SASH1: variants seen among roughly 807,000 people sequenced by gnomAD.
SASH1 encodes SAM and SH3 domain-containing protein 1.
SASH1 carries 44 observed loss-of-function variants against 125.2 expected under a neutral mutation model. The observed-to-expected ratio is 0.35, with a 90% confidence interval of 0.28 to 0.45. The LOEUF is 0.45. Among genes scored for constraint, SASH1 ranks in the 20% least tolerant of loss-of-function variants. The probability of loss-of-function intolerance (pLI) is 1.00; values close to 1 mark genes in which losing one functional copy is unlikely to be tolerated. For missense variants in SASH1, 1,426 were observed against 1,614.5 expected (o/e 0.88, Z 2.00); for synonymous variants, 639 against 649.1 (o/e 0.98, Z 0.24).
At chr6:148,220,224 C>T in the SASH1 span, among the ~76,000 whole-genome samples, 1 of 152,128 alleles carries the variant, frequency 6.6e-6, no homozygotes, top group Non-Finnish European at 1.5e-5. Flanking sequence ...CTGGTGAGGG[C>T]CCCGTCTCTG....
chr6:148,300,007 C>G (rs948548145), intron 1 of SASH1, among the ~76,000 whole-genome samples: 5 of 152,100 alleles, frequency 3.3e-5, no homozygotes, highest in African/African-American at 1.2e-4. Flanking sequence ...ATCAGTTTGG[C>G]AACACACTGC....
chr6:148,356,964 G>C (rs960066054), intron 1 of SASH1, among the ~76,000 whole-genome samples: 7 of 152,044 alleles, frequency 4.6e-5, no homozygotes, highest in Non-Finnish European at 8.8e-5. Flanking sequence ...TCCTTTGTTT[G>C]TTGGCCGTTT....
rs1262332000 is a variant in SASH1, at chr6:148,326,370, A to C, written n.74+53993A>C. Among the ~76,000 whole-genome samples, 31 of 45,132 alleles carry C rather than the reference A, an allele frequency of 6.9e-4. No homozygotes were observed. In the East Asian group the frequency reaches 7.6e-3, roughly 11 times the overall value. 29.6% of individuals were successfully genotyped at this position (45,132 alleles called of 152,430 possible). ...TATATATATATATGCATATATATAT[A>C]TATACATTCTTTTCTTTTCTTTTCT... On this transcript the variant is annotated intron_variant and non_coding_transcript_variant, in intron 1 of 3. Coordinates refer to the SASH1 transcript ENST00000367469.
At chr6:148,423,356 G>C (rs1775659867) in intron 2 of SASH1, among the ~76,000 whole-genome samples, 1 of 152,194 alleles carries the variant, frequency 6.6e-6, no homozygotes, top group South Asian at 2.1e-4. Flanking sequence ...ATTGATTCTG[G>C]AGCTTTTTAA....
At chr6:148,317,068 A>C (rs1280841432) in intron 1 of SASH1, among the ~76,000 whole-genome samples, 1 of 152,264 alleles carries the variant, frequency 6.6e-6, no homozygotes, top group South Asian at 2.1e-4. Flanking sequence ...AATAGCCAAC[A>C]GCACAAAACA....
At chr6:148,210,290 G>A in the SASH1 span, among the ~76,000 whole-genome samples, 1 of 152,226 alleles carries the variant, frequency 6.6e-6, no homozygotes, top group Non-Finnish European at 1.5e-5. Context: ...CACTTTGGGA[G>A]GCCAAGGTAG....
chr6:148,207,752 C>T, the SASH1 span, among the ~76,000 whole-genome samples: 2 of 152,166 alleles, frequency 1.3e-5, no homozygotes, highest in African/African-American at 2.4e-5. Context: ...ACATTCTCCT[C>T]TTTGTCCCTT....
chr6:148,356,623 C>A (rs957936691), intron 1 of SASH1, among the ~76,000 whole-genome samples: 36 of 150,940 alleles, frequency 2.4e-4, no homozygotes, highest in African/African-American at 7.3e-4. Context: ...GCACCCACCA[C>A]CACATCCAGC....
At position 148,387,680 on chromosome 6, in the gene SASH1, CTTTCTT is replaced by C. The variant is rs1562371736; in HGVS notation, c.157-2452_157-2447del. ...TCTTTCTTTCTTTCTTTCTTTCTTT[CTTTCTT>C]TCTTTCGGCATCCTTAGTAAATTAT... On this transcript the variant is annotated intron_variant, in intron 1 of 19. Transcript: ENST00000367467. 6.0e-5 allele frequency among the ~76,000 whole-genome samples: 6 copies of C among 99,856 alleles called. No homozygotes were observed. The East Asian group carries it at 1.3e-3, about 21-fold the overall frequency. The allele number at this position is 99,856 out of a possible 152,430, so 65.5% of individuals were successfully genotyped here.
intron 4 of SASH1, 118 bp from the exon 5 acceptor site, chr6:148,468,427 A>G (rs1777947688): frequency 1.4e-6 from 1 of 721,926 alleles, no homozygotes; most frequent in East Asian, 2.7e-5. Context: ...AATAGCCTAT[A>G]ACAATTTCCC....
intron 1 of SASH1, among the ~76,000 whole-genome samples, chr6:148,382,039 C>T (rs933832133): frequency 6.6e-6 from 1 of 152,180 alleles, no homozygotes; most frequent in African/African-American, 2.4e-5. Context: ...GTACTGCGTT[C>T]ACCCTTTCTG....
intron 2 of SASH1, among the ~76,000 whole-genome samples, chr6:148,427,766 C>T (rs1441247484): frequency 6.6e-6 from 1 of 152,182 alleles, no homozygotes; most frequent in Non-Finnish European, 1.5e-5. Context: ...GTGGAACTTA[C>T]CCTCCTGTCT....
rs143222022 is a variant in SASH1 at position 148,440,170 on chromosome 6, C to T, written c.286-14C>T. 1,772 of 1,613,856 alleles carry T rather than the reference C, an allele frequency of 1.1e-3. 2 individuals are homozygous for T. Among genetic ancestry groups the T allele is most frequent in the Non-Finnish European group, 1.4e-3 (1,705 of 1,179,790 alleles). On this transcript the variant is annotated splice_polypyrimidine_tract_variant and intron_variant, in intron 2 of 19. Coordinates refer to ENST00000367467, the MANE Select transcript of SASH1 (RefSeq NM_015278.5). ...TTTGGAAGTCCCGTTAAACTGGCAT[C>T]TGTTCTGTTTTAGGAGAAACCCGAT... is the stretch of plus-strand genomic sequence containing the variant.
intron 10 of SASH1, chr6:148,520,501 G>A (rs1383786311): frequency 6.5e-6 from 1 of 152,814 alleles, no homozygotes; most frequent in African/African-American, 2.4e-5. Flanking sequence ...CATGACGTCA[G>A]GGCACATCCC....
chr6:148,473,630 CCTTCCT>C (rs1313532300), intron 6 of SASH1, among the ~76,000 whole-genome samples: 1 of 152,190 alleles, frequency 6.6e-6, no homozygotes, highest in Non-Finnish European at 1.5e-5. Context: ...AACTCTGTGA[CCTTCCT>C]CTGTCATGAC....
At chr6:148,318,174 A>G (rs76714149) in intron 1 of SASH1, among the ~76,000 whole-genome samples, 2,304 of 152,284 alleles carry the variant, frequency 0.015, 80 homozygotes, top group African/African-American at 0.053. Flanking sequence ...GAACACTTCT[A>G]TGTCTGGCTG....
chr6:148,287,505 A>T (rs1206100518), intron 1 of SASH1, among the ~76,000 whole-genome samples: 1 of 152,168 alleles, frequency 6.6e-6, no homozygotes, highest in Non-Finnish European at 1.5e-5. Context: ...TCCATCAGAG[A>T]TGGCAACTTG....
chr6:148,310,253 C>T (rs1311765274), intron 1 of SASH1, among the ~76,000 whole-genome samples: 3 of 152,120 alleles, frequency 2.0e-5, no homozygotes, highest in Admixed American at 2.0e-4. Flanking sequence ...ACCCAGGAGA[C>T]GGAGGTTGCA....
intron 1 of SASH1, among the ~76,000 whole-genome samples, chr6:148,375,311 T>C (rs1370868250): frequency 6.6e-6 from 1 of 151,914 alleles, no homozygotes; most frequent in African/African-American, 2.4e-5. Flanking sequence ...TGTTGTGGGA[T>C]ACACAGAGAC....
Sources: gnomAD v4.1 joint callset for allele counts (sites outside exome capture counted in the v4.1 genomes callset) on GRCh38, gnomAD v4.1.1 for gene constraint, MANE v1.5 for transcripts, NCBI Gene and HGNC (gene_info 2026-07-23, HGNC 2026-07-21) for gene names.